Variants in DSCAM observed in about 807,000 individuals in gnomAD.
The protein encoded by DSCAM is cell adhesion molecule DSCAM.
Under a neutral mutation model 217.7 loss-of-function variants are expected in DSCAM, and 47 were observed. The observed-to-expected ratio is 0.22, with a 90% CI of 0.17 to 0.28. The LOEUF is 0.28. Ranked by LOEUF, DSCAM falls within the 10% of genes least tolerant of loss-of-function variation. The pLI is 1.00. For missense variants in DSCAM, 2,080 were observed against 2,618.3 expected (o/e 0.79, Z 4.49); for synonymous variants, 1,056 against 1,015.3 (o/e 1.04, Z -0.76).
At chr21:40,106,388 G>A (rs569496544) in intron 20 of DSCAM, among the ~76,000 whole-genome samples, 11 of 152,100 alleles carry the variant, frequency 7.2e-5, no homozygotes, top group Non-Finnish European at 1.6e-4. Flanking sequence ...ATTTTGTTGA[G>A]ATTTCTGCAT....
intron 3 of DSCAM, among the ~76,000 whole-genome samples, chr21:40,555,672 AC>A (rs2076665848): frequency 6.6e-6 from 1 of 152,166 alleles, no homozygotes; most frequent in Non-Finnish European, 1.5e-5. Flanking sequence ...TGATTCTGTC[AC>A]CCAGGCTGGA....
rs755490330 is a variant in DSCAM at position 40,167,207 on chromosome 21, G to T, written c.3018+11C>A. The T allele has an allele frequency of 6.2e-7, 1 of 1,613,564 alleles. No individual in the cohort carries two copies. The highest frequency in any genetic ancestry group is 1.1e-5 in the South Asian group (1 of 91,050). On this transcript the variant is annotated intron_variant, in intron 16 of 32. Coordinates refer to ENST00000400454, the MANE Select transcript of DSCAM (RefSeq NM_001389.5). The stretch of plus-strand genomic sequence containing the variant: ...GAAAGCACCGAGAATACAAATGTTT[G>T]CTGAGTTTACCTTCCATGTGACCCT...
intron 3 of DSCAM, among the ~76,000 whole-genome samples, chr21:40,398,243 G>T (rs935726992): frequency 5.9e-5 from 9 of 152,134 alleles, no homozygotes; most frequent in Admixed American, 1.3e-4. Flanking sequence ...AATGTTAATG[G>T]TTCCTCAGTT....
chr21:40,827,424 G>T (rs1306238540), intron 1 of DSCAM, among the ~76,000 whole-genome samples: 1 of 145,004 alleles, frequency 6.9e-6, no homozygotes. Context: ...AACTGTGATT[G>T]TGCCACTGCA....
At chr21:40,367,837 CT>C (rs1187139064) in intron 4 of DSCAM, among the ~76,000 whole-genome samples, 1 of 152,162 alleles carries the variant, frequency 6.6e-6, no homozygotes, top group Non-Finnish European at 1.5e-5. Flanking sequence ...GTTGCTCTCA[CT>C]TTTCCAATGC....
chr21:40,599,168 T>C (rs1262218499), intron 3 of DSCAM, among the ~76,000 whole-genome samples: 3 of 152,192 alleles, frequency 2.0e-5, no homozygotes, highest in African/African-American at 7.2e-5. Context: ...ACGTTCTCAA[T>C]TGTTCAATTG....
chr21:40,046,749 G>T (rs1457735803), intron 30 of DSCAM, among the ~76,000 whole-genome samples: 2 of 151,384 alleles, frequency 1.3e-5, no homozygotes, highest in African/African-American at 4.9e-5. Context: ...TTCTGAGCAG[G>T]TTTACTTCTG....
intron 3 of DSCAM, among the ~76,000 whole-genome samples, chr21:40,414,521 C>T (rs1356731078): frequency 6.6e-6 from 1 of 152,172 alleles, no homozygotes; most frequent in Non-Finnish European, 1.5e-5. Context: ...TGTGGGAATG[C>T]AAAATATTAA....
intron 3 of DSCAM, among the ~76,000 whole-genome samples, chr21:40,581,600 A>C (rs547916874): frequency 6.6e-6 from 1 of 152,240 alleles, no homozygotes; most frequent in South Asian, 2.1e-4. Flanking sequence ...AACTGGGAGA[A>C]AGTGTGAGGT....
chr21:40,542,264 T>C (rs538535013), intron 3 of DSCAM, among the ~76,000 whole-genome samples: 32 of 152,346 alleles, frequency 2.1e-4, no homozygotes, highest in Non-Finnish European at 4.3e-4. Flanking sequence ...CTATTCAACA[T>C]GAATTTGAAA....
At chr21:40,774,919 T>C (rs1569030370) in intron 1 of DSCAM, among the ~76,000 whole-genome samples, 1 of 151,942 alleles carries the variant, frequency 6.6e-6, no homozygotes, top group Non-Finnish European at 1.5e-5. Context: ...TATGCATTCA[T>C]TCACTACATG....
intron 11 of DSCAM, among the ~76,000 whole-genome samples, chr21:40,242,475 T>C (rs1463708914): frequency 6.6e-6 from 1 of 152,116 alleles, no homozygotes; most frequent in African/African-American, 2.4e-5. Flanking sequence ...ACCCAGGAAA[T>C]GTGAGCAGAA....
chr21:40,179,569 T>A (rs970937196), intron 14 of DSCAM, among the ~76,000 whole-genome samples: 2 of 152,214 alleles, frequency 1.3e-5, no homozygotes, highest in Admixed American at 6.5e-5. Context: ...TCAAGCCATA[T>A]CAGATCCTTT....
chr21:40,258,205 T>C (rs2146972310), intron 11 of DSCAM, among the ~76,000 whole-genome samples: 1 of 152,326 alleles, frequency 6.6e-6, no homozygotes, highest in Admixed American at 6.5e-5. Flanking sequence ...AAAGCATGTC[T>C]TCCAAAACTT....
chr21:40,831,486 G>A (rs2092011788), intron 1 of DSCAM, among the ~76,000 whole-genome samples: 1 of 152,154 alleles, frequency 6.6e-6, no homozygotes, highest in Non-Finnish European at 1.5e-5. Flanking sequence ...AAACTAATTT[G>A]GGTGTTTTTT....
intron 3 of DSCAM, among the ~76,000 whole-genome samples, chr21:40,549,233 T>C (rs1344443673): frequency 6.6e-6 from 1 of 152,150 alleles, no homozygotes; most frequent in Admixed American, 6.6e-5. Flanking sequence ...TTTGAGAGAA[T>C]ACCAACAACA....
At chr21:40,051,702 T>TA (rs1026491925) in intron 30 of DSCAM, among the ~76,000 whole-genome samples, 5 of 152,136 alleles carry the variant, frequency 3.3e-5, no homozygotes, top group Admixed American at 6.5e-5. Flanking sequence ...TTGCTTAAAT[T>TA]AAAAAAATAA....
intron 32 of DSCAM, among the ~76,000 whole-genome samples, chr21:40,022,571 T>C (rs868117608): frequency 6.6e-6 from 1 of 152,200 alleles, no homozygotes; most frequent in South Asian, 2.1e-4. Flanking sequence ...CCAATGGAAC[T>C]GTAATCAGAA....
intron 3 of DSCAM, among the ~76,000 whole-genome samples, chr21:40,474,038 T>C (rs1287871159): frequency 6.6e-6 from 1 of 152,182 alleles, no homozygotes; most frequent in Admixed American, 6.5e-5. Context: ...CATGCCTGTA[T>C]TCCTAGCACT....
Sources: allele counts gnomAD v4.1 joint callset (sites outside exome capture counted in the v4.1 genomes callset), GRCh38; gene constraint gnomAD v4.1.1; transcripts MANE v1.5; gene names NCBI Gene and HGNC (gene_info 2026-07-23, HGNC 2026-07-21).